Variants in SNTG1 observed in about 807,000 individuals in gnomAD.
The protein encoded by SNTG1 is gamma-1-syntrophin.
Under a neutral mutation model 74.7 loss-of-function variants are expected in SNTG1, and 39 were observed. The observed-to-expected ratio is 0.52, with a 90% CI of 0.40 to 0.68. The LOEUF is 0.68. Ranked by LOEUF, SNTG1 falls within the 30% of genes least tolerant of loss-of-function variation. The probability of loss-of-function intolerance (pLI) is 0.00; values close to 1 mark genes in which losing one functional copy is unlikely to be tolerated. For missense variants in SNTG1, 685 were observed against 609.5 expected, an observed-to-expected ratio of 1.12 and a Z score of -1.30; for synonymous variants, 254 against 217.1, an observed-to-expected ratio of 1.17 and a Z score of -1.49.
At chr8:50,473,536 C>A (rs1174558581) in intron 8 of SNTG1, among the ~76,000 whole-genome samples, 1 of 152,142 alleles carries the variant, frequency 6.6e-6, no homozygotes, top group Non-Finnish European at 1.5e-5. Flanking sequence ...AAAAACATAG[C>A]TACCATATGA....
intron 15 of SNTG1, among the ~76,000 whole-genome samples, chr8:50,674,077 C>T (rs2095298383): frequency 6.6e-6 from 1 of 152,072 alleles, no homozygotes; most frequent in Non-Finnish European, 1.5e-5. Flanking sequence ...ATTCGGTTTG[C>T]CAGTATTTTA....
intron 18 of SNTG1, among the ~76,000 whole-genome samples, chr8:50,777,392 C>G (rs1483259245): frequency 2.0e-5 from 3 of 150,382 alleles, no homozygotes; most frequent in Non-Finnish European, 4.4e-5. Flanking sequence ...CTTCTTTCTG[C>G]TGTTGAGCCA....
At chr8:50,636,656 C>T (rs780132690) in intron 13 of SNTG1, among the ~76,000 whole-genome samples, 19 of 152,136 alleles carry the variant, frequency 1.2e-4, no homozygotes, top group Non-Finnish European at 2.4e-4. Flanking sequence ...AGAGGTGGCA[C>T]TTAGTGAAAC....
chr8:50,606,710 A>G (rs1301916324), intron 13 of SNTG1, among the ~76,000 whole-genome samples: 1 of 151,956 alleles, frequency 6.6e-6, no homozygotes, highest in Non-Finnish European at 1.5e-5. Flanking sequence ...GATGTTTTTC[A>G]TAAATGTTCT....
chr8:50,134,629 A>G (rs1001466646), intron 1 of SNTG1, among the ~76,000 whole-genome samples: 2 of 152,148 alleles, frequency 1.3e-5, no homozygotes, highest in African/African-American at 4.8e-5. Flanking sequence ...ATTAGAGGGA[A>G]TGTATGGTTA....
chr8:50,643,896 G>A (rs1036685646), intron 13 of SNTG1: 2 of 152,250 alleles, frequency 1.3e-5, no homozygotes, highest in African/African-American at 4.8e-5. Context: ...TAGCTTTGAT[G>A]AGACCTGGTC....
At chr8:50,693,285 C>T (rs1585554867) in intron 15 of SNTG1, among the ~76,000 whole-genome samples, 1 of 152,242 alleles carries the variant, frequency 6.6e-6, no homozygotes, top group East Asian at 1.9e-4. Context: ...TGGCACTCCC[C>T]AGTGAGATGA....
chr8:50,608,988 A>G (rs1203943659), intron 13 of SNTG1, among the ~76,000 whole-genome samples: 1 of 152,034 alleles, frequency 6.6e-6, no homozygotes, highest in Non-Finnish European at 1.5e-5. Flanking sequence ...GCATTGCAGT[A>G]TAGATCTATT....
chr8:50,339,114 T>C (rs981597038), intron 2 of SNTG1, among the ~76,000 whole-genome samples: 2 of 152,012 alleles, frequency 1.3e-5, no homozygotes, highest in African/African-American at 4.8e-5. Flanking sequence ...TTAGAAACCA[T>C]GCAAAGAAGA....
At chr8:50,175,479 A>T (rs931862990) in intron 2 of SNTG1, among the ~76,000 whole-genome samples, 1 of 152,224 alleles carries the variant, frequency 6.6e-6, no homozygotes, top group African/African-American at 2.4e-5. Context: ...AGAGCAAAGG[A>T]TGGAAGCTGA....
chr8:50,450,768 G>A (rs1464320149), intron 8 of SNTG1, 39 bp downstream of exon 8: 2 of 1,597,910 alleles, frequency 1.3e-6, no homozygotes, highest in East Asian at 4.5e-5. Flanking sequence ...TTTTCCCCAT[G>A]TGCAAATAAG....
intron 2 of SNTG1, among the ~76,000 whole-genome samples, chr8:50,224,525 A>T (rs1485833293): frequency 1.3e-5 from 2 of 152,160 alleles, no homozygotes; most frequent in Non-Finnish European, 1.5e-5. Context: ...CTTCATATCT[A>T]TTCTCCTCTA....
chr8:50,662,249 G>C (rs1397259212), intron 15 of SNTG1, among the ~76,000 whole-genome samples: 1 of 152,196 alleles, frequency 6.6e-6, no homozygotes, highest in Non-Finnish European at 1.5e-5. Context: ...CTAATTAAAA[G>C]TCAGATTTGA....
At chr8:50,174,819 T>A (rs911901161) in intron 2 of SNTG1, among the ~76,000 whole-genome samples, 10 of 152,008 alleles carry the variant, frequency 6.6e-5, no homozygotes, top group African/African-American at 2.4e-4. Context: ...CATTAACTCA[T>A]CATTTAGCAT....
rs2080785978 is a variant in SNTG1 at position 50,115,576 on chromosome 8, A to AAAAACAAAAAAAAAAAAAAC, written c.-102-56981_-102-56980insCAAAAAAAAAAAAAACAAAA. Among the ~76,000 whole-genome samples, 2 of 82,800 alleles carry AAAAACAAAAAAAAAAAAAAC rather than the reference A, an allele frequency of 2.4e-5. 1 individual carries two copies. Among genetic ancestry groups the AAAAACAAAAAAAAAAAAAAC allele is most frequent in the Non-Finnish European group, 5.4e-5 (2 of 37,128 alleles). 54.3% of individuals were successfully genotyped at this position (82,800 alleles called of 152,430 possible). A position where few individuals can be genotyped will look rare whatever the true frequency, so the allele number is the denominator to read the frequency against. Reference sequence around the variant, plus strand: ...GAGCGAGACTCTGTCTCAAAAAAAAAAAAAAAAAAAACGAGATGGTTGAAG... The same window carrying AAAAACAAAAAAAAAAAAAAC: ...GAGCGAGACTCTGTCTCAAAAAAAAAAAAACAAAAAAAAAAAAAACAAAAAAAAAAACGAGATGGTTGAAG... On this transcript the variant is annotated intron_variant, in intron 1 of 18. Transcript: ENST00000642720.
At chr8:50,699,958 G>C (rs1233522225) in intron 15 of SNTG1, among the ~76,000 whole-genome samples, 1 of 152,102 alleles carries the variant, frequency 6.6e-6, no homozygotes, top group African/African-American at 2.4e-5. Context: ...CTTTAGTGAT[G>C]AGTGAAGGAA....
chr8:49,992,927 C>A (rs1442433782), intron 1 of SNTG1, among the ~76,000 whole-genome samples: 1 of 152,068 alleles, frequency 6.6e-6, no homozygotes, highest in African/African-American at 2.4e-5. Context: ...CATTTGTTCA[C>A]TTTCTTGGCT....
intron 1 of SNTG1, among the ~76,000 whole-genome samples, chr8:49,999,947 C>T (rs1025914333): frequency 1.3e-5 from 2 of 152,138 alleles, no homozygotes; most frequent in African/African-American, 2.4e-5. Context: ...CCCAGGGCCT[C>T]GATCAGTTCC....
At chr8:50,429,745 T>C (rs776947564) in intron 4 of SNTG1, among the ~76,000 whole-genome samples, 16 of 152,088 alleles carry the variant, frequency 1.1e-4, no homozygotes, top group South Asian at 2.1e-4. Context: ...AAATCTAGTG[T>C]GGTATTTATA....
Sources: gnomAD v4.1 joint callset for allele counts (sites outside exome capture counted in the v4.1 genomes callset) on GRCh38, gnomAD v4.1.1 for gene constraint, MANE v1.5 for transcripts, NCBI Gene and HGNC (gene_info 2026-07-23, HGNC 2026-07-21) for gene names.